The following GABBR2 variants were observed in gnomAD, a reference collection of about 807,000 sequenced individuals.
GABBR2 encodes the protein G-protein coupled receptor 51.
A neutral mutation model predicts 105.6 loss-of-function variants in GABBR2; 23 were observed. The observed-to-expected ratio is 0.22, with a 90% confidence interval of 0.16 to 0.31. The LOEUF (loss-of-function observed/expected upper bound fraction) is 0.31, where lower values mean the gene tolerates loss of function less well. Among genes scored for constraint, GABBR2 ranks in the 10% least tolerant of loss-of-function variants. The pLI is 1.00. For missense variants in GABBR2, 734 were observed against 1,245.5 expected (o/e 0.59, Z 6.18); for synonymous variants, 478 against 499.7 (o/e 0.96, Z 0.58).
At chr9:98,680,481 G>C (rs1365441098) in intron 1 of GABBR2, among the ~76,000 whole-genome samples, 1 of 151,814 alleles carries the variant, frequency 6.6e-6, no homozygotes, top group Non-Finnish European at 1.5e-5. Context: ...AATTTTCTTT[G>C]TATTTTTTTA....
chr9:98,611,206 C>A (rs905893738), intron 1 of GABBR2, among the ~76,000 whole-genome samples: 2 of 152,168 alleles, frequency 1.3e-5, no homozygotes, highest in South Asian at 2.1e-4. Flanking sequence ...ATCAATGCCA[C>A]CCCCTGCCTC....
intron 4 of GABBR2, among the ~76,000 whole-genome samples, chr9:98,482,170 T>G (rs1826938948): frequency 6.6e-6 from 1 of 152,254 alleles, no homozygotes; most frequent in Non-Finnish European, 1.5e-5. Context: ...CATGGCCCTT[T>G]GATGCATAAA....
intron 3 of GABBR2, among the ~76,000 whole-genome samples, chr9:98,505,662 A>C (rs1827495502): frequency 6.6e-6 from 1 of 152,200 alleles, no homozygotes; most frequent in South Asian, 2.1e-4. Flanking sequence ...GATTCTTATA[A>C]GAGAAAGGCA....
intron 1 of GABBR2, among the ~76,000 whole-genome samples, chr9:98,657,962 C>G (rs777055226): frequency 1.3e-5 from 2 of 152,244 alleles, no homozygotes; most frequent in Non-Finnish European, 2.9e-5. Flanking sequence ...CAAAACTTTC[C>G]TTTATAAATC....
intron 1 of GABBR2, among the ~76,000 whole-genome samples, chr9:98,696,572 C>G (rs1256933018): frequency 1.3e-5 from 2 of 152,226 alleles, no homozygotes; most frequent in African/African-American, 4.8e-5. Flanking sequence ...TCCTCCCCCA[C>G]GTGCCTTTGA....
intron 7 of GABBR2, among the ~76,000 whole-genome samples, chr9:98,430,023 A>C (rs1825769998): frequency 6.6e-6 from 1 of 152,168 alleles, no homozygotes; most frequent in Non-Finnish European, 1.5e-5. Flanking sequence ...GTGGTGGCTC[A>C]TGCCTGTAAT....
intron 13 of GABBR2, among the ~76,000 whole-genome samples, chr9:98,346,152 G>A (rs7034571): frequency 0.022 from 3,318 of 152,276 alleles, 118 homozygotes; most frequent in African/African-American, 0.076. Context: ...AGATAATAAC[G>A]GAGTCTGCTG....
intron 17 of GABBR2, among the ~76,000 whole-genome samples, chr9:98,297,182 C>A (rs76562183): frequency 6.6e-6 from 1 of 152,062 alleles, no homozygotes; most frequent in Non-Finnish European, 1.5e-5. Context: ...TTACCAGATA[C>A]GAAAGTTATT....
chr9:98,393,790 G>C (rs962480522), intron 9 of GABBR2, among the ~76,000 whole-genome samples: 1 of 152,212 alleles, frequency 6.6e-6, no homozygotes, highest in African/African-American at 2.4e-5. Context: ...AGCTGAAGAG[G>C]AGTTCTCTAG....
intron 1 of GABBR2, among the ~76,000 whole-genome samples, chr9:98,695,251 T>C (rs535681179): frequency 6.6e-6 from 1 of 152,336 alleles, no homozygotes; most frequent in African/African-American, 2.4e-5. Context: ...GCAGGCTCTG[T>C]CCTGGGCTTT....
At chr9:98,645,144 G>A (rs1830014326) in intron 1 of GABBR2, among the ~76,000 whole-genome samples, 3 of 152,168 alleles carry the variant, frequency 2.0e-5, no homozygotes, top group Non-Finnish European at 4.4e-5. Flanking sequence ...TTGCCTACCT[G>A]TAGGGAATAA....
At chr9:98,673,463 G>A (rs1830431802) in intron 1 of GABBR2, among the ~76,000 whole-genome samples, 1 of 152,036 alleles carries the variant, frequency 6.6e-6, no homozygotes, top group South Asian at 2.1e-4. Context: ...CTTAGAAGGT[G>A]GAATGTGAAC....
intron 4 of GABBR2, among the ~76,000 whole-genome samples, chr9:98,489,285 C>T (rs142354554): frequency 1.5e-3 from 227 of 152,164 alleles, no homozygotes; most frequent in African/African-American, 4.6e-3. Context: ...GAAGCAGAAG[C>T]GTTGGATGAG....
intron 6 of GABBR2, among the ~76,000 whole-genome samples, chr9:98,467,545 G>A (rs56897052): frequency 0.02 from 3,088 of 152,256 alleles, 94 homozygotes; most frequent in African/African-American, 0.07. Flanking sequence ...TCCTTCCTCC[G>A]TGCTAAGCTC....
At chr9:98,641,424 C>G (rs1829960959) in intron 1 of GABBR2, among the ~76,000 whole-genome samples, 1 of 152,080 alleles carries the variant, frequency 6.6e-6, no homozygotes, top group South Asian at 2.1e-4. Flanking sequence ...AGGCGTGAGC[C>G]ACCACACGTC....
At position 98,295,543 on chromosome 9, in the gene GABBR2, T is replaced by C. The variant is rs528741718; in HGVS notation, c.2543-1641A>G. On this transcript the variant is annotated intron_variant, in intron 17 of 18. Transcript: ENST00000259455. ...TATATTAAATGAGATGTCTTTTTTT[T>C]TGAGACGGAGTCTCACTCTGTCTCC... Among the ~76,000 whole-genome samples, 3 of 151,982 alleles carry C rather than the reference T, an allele frequency of 2.0e-5. No homozygotes were observed. The East Asian group carries it at 5.8e-4, about 29-fold the overall frequency.
At chr9:98,543,788 GC>G in intron 2 of GABBR2, among the ~76,000 whole-genome samples, 1 of 152,118 alleles carries the variant, frequency 6.6e-6, no homozygotes, top group Admixed American at 6.5e-5. Context: ...AAGAAAATTA[GC>G]CCTTTATGAT....
chr9:98,436,402 TATATAG>T lies in GABBR2; in HGVS notation c.1236+17573_1236+17578del, dbSNP rs1290270009. Reference sequence around the variant, plus strand: ...ATATATATATATATATATATATATATATATAGTATGGCGTTCTTTCTTCTACTACCA... The same window carrying T: ...ATATATATATATATATATATATATATTATGGCGTTCTTTCTTCTACTACCA... On this transcript the variant is annotated intron_variant, in intron 7 of 18. Transcript: ENST00000259455. 1.3e-3 allele frequency among the ~76,000 whole-genome samples: 89 copies of T among 66,182 alleles called. 5 individuals carry two copies. Among genetic ancestry groups the T allele is most frequent in the Admixed American group, 1.8e-3 (10 of 5,418 alleles). 43.4% of individuals were successfully genotyped at this position (66,182 alleles called of 152,430 possible).
intron 3 of GABBR2, among the ~76,000 whole-genome samples, chr9:98,497,490 A>G (rs1048938569): frequency 2.0e-5 from 3 of 152,198 alleles, no homozygotes; most frequent in African/African-American, 7.2e-5. Context: ...GCCTGTGGCC[A>G]TGGCTGTGCA....
Sources: gnomAD v4.1 joint callset for allele counts (sites outside exome capture counted in the v4.1 genomes callset) on GRCh38, gnomAD v4.1.1 for gene constraint, MANE v1.5 for transcripts, NCBI Gene and HGNC (gene_info 2026-07-23, HGNC 2026-07-21) for gene names.